Variants in SLC35F4 observed in about 807,000 individuals in gnomAD.
The protein encoded by SLC35F4 is solute carrier family 35 member F4.
Under a neutral mutation model 44.2 loss-of-function variants are expected in SLC35F4, and 24 were observed. The ratio of observed to expected loss-of-function variants is 0.54; its 90% CI spans 0.39 to 0.76. SLC35F4 has a LOEUF of 0.76. SLC35F4 is among the 30% of genes least tolerant of loss of function. The pLI is 0.00. For missense variants in SLC35F4, 562 were observed against 586.1 expected, an observed-to-expected ratio of 0.96 and a Z score of 0.42; for synonymous variants, 238 against 223.6, an observed-to-expected ratio of 1.06 and a Z score of -0.57.
At chr14:57,975,293 A>C (rs1318799264), downstream of SLC35F4, among the ~76,000 whole-genome samples, 7 of 152,040 alleles carry the variant, frequency 4.6e-5, no homozygotes, top group African/African-American at 1.5e-4. Flanking sequence ...CTGATACCAA[A>C]CCCTACCTCT....
intron 1 of SLC35F4, among the ~76,000 whole-genome samples, chr14:57,937,217 G>A (rs569496279): frequency 1.1e-4 from 16 of 152,098 alleles, no homozygotes; most frequent in South Asian, 6.2e-4. Context: ...ACAGGCATGC[G>A]CCACTACGCC....
intron 1 of SLC35F4, among the ~76,000 whole-genome samples, chr14:57,603,830 T>G (rs981267914): frequency 6.6e-6 from 1 of 152,186 alleles, no homozygotes; most frequent in Admixed American, 6.5e-5. Flanking sequence ...GATACCAACT[T>G]TACAGGACCT....
chr14:57,739,188 G>A (rs1403798546), intron 1 of SLC35F4, among the ~76,000 whole-genome samples: 3 of 151,922 alleles, frequency 2.0e-5, no homozygotes, highest in Non-Finnish European at 4.4e-5. Context: ...GGGTACCTCC[G>A]GGTGGTAAAT....
At chr14:57,904,706 G>A (rs767296019) in intron 1 of SLC35F4, among the ~76,000 whole-genome samples, 4 of 152,068 alleles carry the variant, frequency 2.6e-5, no homozygotes, top group Non-Finnish European at 5.9e-5. Flanking sequence ...GGTGGATACC[G>A]TTATTCTCTC....
chr14:57,568,041 G>C (rs1247416919), intron 6 of SLC35F4, among the ~76,000 whole-genome samples: 1 of 152,214 alleles, frequency 6.6e-6, no homozygotes, highest in East Asian at 1.9e-4. Context: ...TAAACACTTA[G>C]GAATAGGAGC....
chr14:57,806,887 T>A (rs1318901251), intron 1 of SLC35F4, among the ~76,000 whole-genome samples: 1 of 152,230 alleles, frequency 6.6e-6, no homozygotes, highest in African/African-American at 2.4e-5. Context: ...AGCTACTTCC[T>A]ACTTGGCTTT....
At chr14:57,944,768 A>G (rs1028476622) in intron 1 of SLC35F4, among the ~76,000 whole-genome samples, 1 of 151,712 alleles carries the variant, frequency 6.6e-6, no homozygotes, top group Non-Finnish European at 1.5e-5. Flanking sequence ...GGAAGAAAGA[A>G]AAGAAAAGAA....
intron 1 of SLC35F4, among the ~76,000 whole-genome samples, chr14:57,963,647 C>G (rs1890379174): frequency 6.7e-6 from 1 of 150,058 alleles, no homozygotes; most frequent in African/African-American, 2.5e-5. Context: ...GAGAAAGAGA[C>G]AGACGACCCA....
intron 1 of SLC35F4, among the ~76,000 whole-genome samples, chr14:57,607,282 A>G (rs187779088): frequency 6.6e-6 from 1 of 152,344 alleles, no homozygotes; most frequent in Non-Finnish European, 1.5e-5. Flanking sequence ...AGCTAATGCT[A>G]TTAGCATATA....
intron 1 of SLC35F4, among the ~76,000 whole-genome samples, chr14:57,692,076 A>C (rs2075250170): frequency 6.6e-6 from 1 of 152,228 alleles, no homozygotes; most frequent in Non-Finnish European, 1.5e-5. Flanking sequence ...CATGATAGCC[A>C]AGTAGAAAAC....
chr14:57,650,281 C>T (rs1015951813), intron 1 of SLC35F4, among the ~76,000 whole-genome samples: 3 of 152,092 alleles, frequency 2.0e-5, no homozygotes, highest in Admixed American at 6.6e-5. Context: ...ATCCAGCTTT[C>T]TACTTGGTAC....
chr14:57,899,155 A>G (rs1402550757), intron 1 of SLC35F4, among the ~76,000 whole-genome samples: 2 of 152,346 alleles, frequency 1.3e-5, no homozygotes, highest in African/African-American at 2.4e-5. Context: ...TATGAAAATT[A>G]TAATACTAGT....
At chr14:57,781,883 GA>G (rs983532041) in intron 1 of SLC35F4, among the ~76,000 whole-genome samples, 4 of 152,138 alleles carry the variant, frequency 2.6e-5, no homozygotes, top group African/African-American at 9.7e-5. Flanking sequence ...GACACAAAGA[GA>G]GGAACAACAG....
At chr14:57,628,500 A>G (rs2072590454) in intron 1 of SLC35F4, among the ~76,000 whole-genome samples, 1 of 141,320 alleles carries the variant, frequency 7.1e-6, no homozygotes, top group Middle Eastern at 3.2e-3. Context: ...CCCTGTGTCC[A>G]TGTGTTCTCA....
chr14:57,611,272 G>A (rs892036279), intron 1 of SLC35F4, among the ~76,000 whole-genome samples: 7 of 152,150 alleles, frequency 4.6e-5, no homozygotes, highest in Non-Finnish European at 1.0e-4. Flanking sequence ...TTTGAGGGGG[G>A]ATATCAAGGT....
At chr14:57,730,406 T>A (rs1489147223) in intron 1 of SLC35F4, among the ~76,000 whole-genome samples, 3 of 151,360 alleles carry the variant, frequency 2.0e-5, no homozygotes, top group Non-Finnish European at 4.4e-5. Context: ...TGTTGAACTT[T>A]TTTTTTTTCA....
intron 1 of SLC35F4, among the ~76,000 whole-genome samples, chr14:57,707,191 A>G (rs1173823014): frequency 6.6e-6 from 1 of 152,174 alleles, no homozygotes; most frequent in Non-Finnish European, 1.5e-5. Flanking sequence ...GATGATGAAG[A>G]TGTTACTTCC....
intron 1 of SLC35F4, among the ~76,000 whole-genome samples, chr14:57,897,205 G>A (rs533860995): frequency 2.3e-4 from 35 of 152,136 alleles, no homozygotes; most frequent in African/African-American, 8.4e-4. Context: ...GTCACATCAG[G>A]ACTGTTAGCA....
At position 57,572,032 on chromosome 14, in the gene SLC35F4, A is replaced by G; in HGVS notation, c.808-13T>C. The G allele has an allele frequency of 6.2e-7, 1 of 1,604,508 alleles. No homozygotes were observed. The highest frequency in any genetic ancestry group is 8.5e-7 in the Non-Finnish European group (1 of 1,174,926). The stretch of plus-strand genomic sequence containing the variant: ...TTGCAGCAACTATCTGTCAAATAGG[A>G]TGCAAAGAAACAGAAAAGCAATGAT... On this transcript the variant is annotated splice_polypyrimidine_tract_variant and intron_variant, in intron 4 of 7. Coordinates refer to ENST00000556826, the MANE Select transcript of SLC35F4 (RefSeq NM_001306087.2).
Sources: allele counts gnomAD v4.1 joint callset (sites outside exome capture counted in the v4.1 genomes callset), GRCh38; gene constraint gnomAD v4.1.1; transcripts MANE v1.5; gene names NCBI Gene and HGNC (gene_info 2026-07-23, HGNC 2026-07-21).